The following NAALADL2 variants were observed in gnomAD, a reference collection of about 807,000 sequenced individuals.
NAALADL2 encodes the protein inactive N-acetylated-alpha-linked acidic dipeptidase-like protein 2.
Under a neutral mutation model 87.2 loss-of-function variants are expected in NAALADL2, and 76 were observed. That is an observed-to-expected ratio of 0.87 (90% confidence interval 0.72 to 1.05). The LOEUF (loss-of-function observed/expected upper bound fraction) is 1.05, where lower values mean the gene tolerates loss of function less well. Ranked by LOEUF, NAALADL2 falls within the 50% of genes least tolerant of loss-of-function variation. NAALADL2 has a pLI of 0.00. For missense variants in NAALADL2, 1,089 were observed against 945.8 expected, an observed-to-expected ratio of 1.15 and a Z score of -1.99; for synonymous variants, 354 against 331.0, an observed-to-expected ratio of 1.07 and a Z score of -0.75.
intron 3 of NAALADL2, among the ~76,000 whole-genome samples, chr3:174,786,597 A>AT (rs1031879052): frequency 5.8e-5 from 8 of 138,802 alleles, no homozygotes; most frequent in Non-Finnish European, 9.9e-5. Flanking sequence ...TAATACTGAG[A>AT]TTTTTTTTGT....
chr3:175,159,288 A>G (rs1732774976), intron 2 of NAALADL2, among the ~76,000 whole-genome samples: 2 of 152,180 alleles, frequency 1.3e-5, no homozygotes, highest in Admixed American at 1.3e-4. Flanking sequence ...GGTTTGATTG[A>G]TATCAAAACT....
chr3:174,812,934 ATTAAAAAG>A (rs1720381667), intron 3 of NAALADL2, among the ~76,000 whole-genome samples: 1 of 152,312 alleles, frequency 6.6e-6, no homozygotes, highest in South Asian at 2.1e-4. Flanking sequence ...AAGTAAAGAC[ATTAAAAAG>A]TTTATAAACT....
intron 13 of NAALADL2, among the ~76,000 whole-genome samples, chr3:175,798,737 C>T (rs1753794825): frequency 6.6e-6 from 1 of 151,994 alleles, no homozygotes; most frequent in African/African-American, 2.4e-5. Context: ...TATACCTCTT[C>T]CAGATATTTT....
chr3:174,519,326 C>CTT (rs557612913), intron 1 of NAALADL2, among the ~76,000 whole-genome samples: 10 of 128,908 alleles, frequency 7.8e-5, no homozygotes, highest in African/African-American at 1.5e-4. Flanking sequence ...TGAAGATTTC[C>CTT]TTTTTTTTTT....
At chr3:174,990,675 A>G (rs1486540092) in intron 1 of NAALADL2, among the ~76,000 whole-genome samples, 3 of 152,220 alleles carry the variant, frequency 2.0e-5, no homozygotes, top group Non-Finnish European at 4.4e-5. Flanking sequence ...AGATATAGGT[A>G]TCATATTCTG....
At chr3:175,465,758 AC>A (rs1192639093) in intron 7 of NAALADL2, among the ~76,000 whole-genome samples, 1 of 152,178 alleles carries the variant, frequency 6.6e-6, no homozygotes, top group African/African-American at 2.4e-5. Flanking sequence ...GGCGTGAGCC[AC>A]CGCCCATTAA....
At chr3:174,554,898 C>T (rs1273590436) in intron 2 of NAALADL2, among the ~76,000 whole-genome samples, 1 of 152,140 alleles carries the variant, frequency 6.6e-6, no homozygotes, top group Non-Finnish European at 1.5e-5. Context: ...GATCAAGTAG[C>T]CAGAAGATTC....
At chr3:175,090,536 T>C (rs1159128153) in intron 1 of NAALADL2, among the ~76,000 whole-genome samples, 2 of 151,318 alleles carry the variant, frequency 1.3e-5, no homozygotes, top group Non-Finnish European at 2.9e-5. Flanking sequence ...CTAAAACAAA[T>C]TTACACGAAC....
At chr3:175,800,005 T>A (rs1404436123) in intron 13 of NAALADL2, among the ~76,000 whole-genome samples, 1 of 152,196 alleles carries the variant, frequency 6.6e-6, no homozygotes, top group Non-Finnish European at 1.5e-5. Context: ...TGGTACTGGA[T>A]GATGAATCAA....
At chr3:175,632,362 T>C (rs953375352) in intron 11 of NAALADL2, among the ~76,000 whole-genome samples, 1 of 150,868 alleles carries the variant, frequency 6.6e-6, no homozygotes, top group East Asian at 2.0e-4. Context: ...TCTGCCAAGA[T>C]TGTAAGTTTC....
At chr3:175,772,874 A>G (rs1338780787) in intron 13 of NAALADL2, among the ~76,000 whole-genome samples, 1 of 152,062 alleles carries the variant, frequency 6.6e-6, no homozygotes, top group Non-Finnish European at 1.5e-5. Flanking sequence ...TTTCTTCTGC[A>G]ACATTTTAGT....
chr3:174,894,051 C>T (rs1731195835), intron 1 of NAALADL2, among the ~76,000 whole-genome samples: 1 of 151,976 alleles, frequency 6.6e-6, no homozygotes, highest in South Asian at 2.1e-4. Context: ...GACCAGGAGT[C>T]ACTGTACTTA....
chr3:175,569,585 T>C (rs1717714554), intron 9 of NAALADL2, among the ~76,000 whole-genome samples: 1 of 152,102 alleles, frequency 6.6e-6, no homozygotes, highest in South Asian at 2.1e-4. Context: ...GTGAATGAAA[T>C]TAATGCCCTT....
intron 1 of NAALADL2, among the ~76,000 whole-genome samples, chr3:174,973,534 A>G (rs1743977829): frequency 6.6e-6 from 1 of 152,130 alleles, no homozygotes; most frequent in Non-Finnish European, 1.5e-5. Flanking sequence ...ATTTCATTGT[A>G]TTTATAGGAA....
At chr3:175,619,976 G>A (rs568565561) in intron 10 of NAALADL2, among the ~76,000 whole-genome samples, 1 of 151,666 alleles carries the variant, frequency 6.6e-6, no homozygotes, top group East Asian at 2.0e-4. Context: ...AATTGACAAA[G>A]TCCTCCCCAG....
chr3:175,296,167 T>C (rs926371783), intron 4 of NAALADL2, among the ~76,000 whole-genome samples: 11 of 49,554 alleles, frequency 2.2e-4, no homozygotes, highest in Admixed American at 1.7e-3. Flanking sequence ...CCCACCACCA[T>C]ATCCCATTGG....
intron 11 of NAALADL2, among the ~76,000 whole-genome samples, chr3:175,683,242 T>C (rs1456798884): frequency 1.3e-5 from 2 of 152,016 alleles, no homozygotes; most frequent in Non-Finnish European, 2.9e-5. Flanking sequence ...TATTTTAAAA[T>C]TAATTCTTCC....
intron 1 of NAALADL2, among the ~76,000 whole-genome samples, chr3:175,085,294 G>C (rs1320175556): frequency 6.6e-6 from 1 of 152,142 alleles, no homozygotes; most frequent in East Asian, 1.9e-4. Flanking sequence ...AGGGCATAGA[G>C]TGCTAAATAA....
intron 11 of NAALADL2, among the ~76,000 whole-genome samples, chr3:175,704,850 C>T (rs898192164): frequency 6.6e-6 from 1 of 152,144 alleles, no homozygotes; most frequent in Non-Finnish European, 1.5e-5. Context: ...AGTCCAGGGT[C>T]TGTGAGGAAC....
Sources: allele counts gnomAD v4.1 joint callset (sites outside exome capture counted in the v4.1 genomes callset), GRCh38; gene constraint gnomAD v4.1.1; transcripts MANE v1.5; gene names NCBI Gene and HGNC (gene_info 2026-07-23, HGNC 2026-07-21).